SAMD12: variants seen among roughly 807,000 people sequenced by gnomAD.
The protein encoded by SAMD12 is sterile alpha motif domain containing 12.
A neutral mutation model predicts 15.0 loss-of-function variants in SAMD12; 9 were observed. The observed-to-expected ratio is 0.60, with a 90% confidence interval of 0.36 to 1.05. The LOEUF is 1.05. Among genes scored for constraint, SAMD12 ranks in the 50% least tolerant of loss-of-function variants. The probability of loss-of-function intolerance (pLI) is 0.01; values close to 1 mark genes in which losing one functional copy is unlikely to be tolerated. For synonymous variants in SAMD12, 86 were observed against 90.1 expected (o/e 0.96, Z 0.25); for missense variants, 230 against 234.2 (o/e 0.98, Z 0.12).
intron 4 of SAMD12, among the ~76,000 whole-genome samples, chr8:118,241,142 A>G (rs1185855275): frequency 6.6e-6 from 1 of 152,174 alleles, no homozygotes; most frequent in African/African-American, 2.4e-5. Context: ...GGTCAAAGTT[A>G]ACTACATACT....
intron 4 of SAMD12, among the ~76,000 whole-genome samples, chr8:118,341,731 C>A (rs1221202670): frequency 2.0e-5 from 3 of 152,210 alleles, no homozygotes; most frequent in Non-Finnish European, 4.4e-5. Context: ...CAAATGCCAT[C>A]AGATTGGGAT....
chr8:118,312,286 C>T (rs1053247526), intron 4 of SAMD12, among the ~76,000 whole-genome samples: 3 of 152,010 alleles, frequency 2.0e-5, no homozygotes, highest in Non-Finnish European at 2.9e-5. Flanking sequence ...ATATAAACAC[C>T]CTCTGACTGC....
At chr8:118,318,310 G>GTATATATA (rs55959055) in intron 4 of SAMD12, among the ~76,000 whole-genome samples, 4 of 113,334 alleles carry the variant, frequency 3.5e-5, no homozygotes, top group East Asian at 2.6e-4. Context: ...AGATATATGT[G>GTATATATA]TATATATATA....
rs74629969 is a variant in SAMD12, at chr8:118,423,963, C to A, written c.322+15869G>T. On this transcript the variant is annotated intron_variant, in intron 3 of 3. Transcript: ENST00000314727. The stretch of plus-strand genomic sequence containing the variant: ...ATTTAAGGAAGGGCGAGAATCACAT[C>A]TTCTGAATTCTTTCTACCTTGAGTT... 9.2e-3 allele frequency among the ~76,000 whole-genome samples: 1,407 copies of A among 152,274 alleles called. 18 individuals carry two copies. Among genetic ancestry groups the A allele is most frequent in the African/African-American group, 0.032 (1,325 of 41,560 alleles).
rs1189886182 is a variant in SAMD12 at position 118,420,079 on chromosome 8, T to C, written c.322+19753A>G. Among the ~76,000 whole-genome samples the C allele has an allele frequency of 2.6e-5, 4 of 152,234 alleles. No homozygotes were observed. In the East Asian group the frequency reaches 7.7e-4, roughly 29 times the overall value. On this transcript the variant is annotated intron_variant, in intron 3 of 3. Transcript: ENST00000314727. ...ATCTACAGAGGACAGTGACAGGGCC[T>C]TGGAGACGTATGATTTCTTCTGCTG...
intron 2 of SAMD12, among the ~76,000 whole-genome samples, chr8:118,500,420 A>G (rs1229676096): frequency 1.3e-5 from 2 of 151,644 alleles, no homozygotes; most frequent in Non-Finnish European, 2.9e-5. Context: ...TTCTTTCCAC[A>G]TCAGTTGTTC....
chr8:118,417,229 C>T (rs976974721), intron 3 of SAMD12, among the ~76,000 whole-genome samples: 4 of 152,000 alleles, frequency 2.6e-5, no homozygotes, highest in Non-Finnish European at 4.4e-5. Flanking sequence ...TACAGGTGTG[C>T]CCCCCTATGC....
At chr8:118,257,726 G>C (rs1364991519) in intron 4 of SAMD12, among the ~76,000 whole-genome samples, 1 of 152,002 alleles carries the variant, frequency 6.6e-6, no homozygotes, top group African/African-American at 2.4e-5. Flanking sequence ...CTTTCTCGAG[G>C]GGAAGGCCTG....
rs922732892 is a variant in SAMD12 at position 118,446,239 on chromosome 8, A to G, written c.193-6278T>C. Among the ~76,000 whole-genome samples the G allele has an allele frequency of 6.3e-4, 95 of 150,996 alleles. 1 individual carries two copies. The highest frequency in any genetic ancestry group is 2.2e-3 in the African/African-American group (92 of 41,046). On this transcript the variant is annotated intron_variant, in intron 2 of 3. Transcript: ENST00000314727. ...TTTTTTTTTTAAAGGAGATAAGACTAGAGGATTTTTTTCTCTTAATTTGCC... is the reference window on the plus strand; with the variant it reads ...TTTTTTTTTTAAAGGAGATAAGACTGGAGGATTTTTTTCTCTTAATTTGCC...
intron 4 of SAMD12, among the ~76,000 whole-genome samples, chr8:118,358,227 T>C (rs1818326337): frequency 6.6e-6 from 1 of 152,208 alleles, no homozygotes; most frequent in Non-Finnish European, 1.5e-5. Flanking sequence ...GCTCTTCTCC[T>C]ATACTTCATC....
intron 2 of SAMD12, among the ~76,000 whole-genome samples, chr8:118,469,964 T>C (rs543339558): frequency 6.6e-6 from 1 of 152,312 alleles, no homozygotes; most frequent in East Asian, 1.9e-4. Context: ...TAATAAATTA[T>C]GACATGGATA....
At chr8:118,247,092 CA>C (rs927827816) in intron 4 of SAMD12, among the ~76,000 whole-genome samples, 2 of 152,064 alleles carry the variant, frequency 1.3e-5, no homozygotes, top group Non-Finnish European at 2.9e-5. Flanking sequence ...AAAAGTAGGA[CA>C]TTGTCACTTG....
chr8:118,469,216 T>G (rs1179631598), intron 2 of SAMD12, among the ~76,000 whole-genome samples: 1 of 151,590 alleles, frequency 6.6e-6, no homozygotes, highest in African/African-American at 2.4e-5. Context: ...TGGACCTATC[T>G]TATCCATGGA....
At chr8:118,332,721 CAT>C (rs1816861461) in intron 4 of SAMD12, among the ~76,000 whole-genome samples, 1 of 152,206 alleles carries the variant, frequency 6.6e-6, no homozygotes, top group Admixed American at 6.5e-5. Context: ...ACTGGAGTAA[CAT>C]ATGCTTTTCT....
At chr8:118,257,678 A>T (rs922705812) in intron 4 of SAMD12, among the ~76,000 whole-genome samples, 8 of 151,998 alleles carry the variant, frequency 5.3e-5, no homozygotes, top group Non-Finnish European at 1.2e-4. Flanking sequence ...CTCAGGCTTC[A>T]TACTGCTGGG....
intron 2 of SAMD12, among the ~76,000 whole-genome samples, chr8:118,476,235 C>T (rs1441172201): frequency 6.6e-6 from 1 of 152,178 alleles, no homozygotes; most frequent in Admixed American, 6.5e-5. Context: ...CTGCACGTTG[C>T]AGGTGTGTCC....
At chr8:118,579,755 A>G (rs1827237065) in intron 2 of SAMD12, among the ~76,000 whole-genome samples, 1 of 152,166 alleles carries the variant, frequency 6.6e-6, no homozygotes, top group Non-Finnish European at 1.5e-5. Flanking sequence ...CCAACATTTG[A>G]AAGGAAATTG....
intron 2 of SAMD12, among the ~76,000 whole-genome samples, chr8:118,541,612 G>T (rs1415783677): frequency 4.6e-5 from 7 of 152,222 alleles, no homozygotes; most frequent in African/African-American, 1.7e-4. Context: ...AGCGGGAAGA[G>T]GCAGAATTTG....
At chr8:118,176,346 A>C in the SAMD12 span, among the ~76,000 whole-genome samples, 1 of 152,210 alleles carries the variant, frequency 6.6e-6, no homozygotes, top group Admixed American at 6.5e-5. Flanking sequence ...TTGTTCTATC[A>C]TAAAGACACA....
Sources: gnomAD v4.1 joint callset for allele counts (sites outside exome capture counted in the v4.1 genomes callset) on GRCh38, gnomAD v4.1.1 for gene constraint, MANE v1.5 for transcripts, NCBI Gene and HGNC (gene_info 2026-07-23, HGNC 2026-07-21) for gene names.